TYW3: variants seen among roughly 807,000 people sequenced by gnomAD.
TYW3 encodes the protein tRNA-yW synthesizing protein 3 homolog.
TYW3 carries 26 observed loss-of-function variants against 23.1 expected under a neutral mutation model. That is an observed-to-expected ratio of 1.13 (90% CI 0.83 to 1.56). TYW3 has a LOEUF of 1.56. TYW3 is among the 40% of genes most tolerant of loss of function. The probability of loss-of-function intolerance (pLI) is 0.00; values close to 1 mark genes in which losing one functional copy is unlikely to be tolerated. For synonymous variants in TYW3, 102 were observed against 105.7 expected, an observed-to-expected ratio of 0.97 and a Z score of 0.21; for missense variants, 316 against 311.9, an observed-to-expected ratio of 1.01 and a Z score of -0.10.
In TYW3 at chr1:74,733,265, C is replaced by T. The variant is rs1173802156; in HGVS notation, c.21C>T (p.Phe7=). ...CACCCATGGATCGCAGCGCGGAGTT[C>T]AGGAAATGGAAGGCGCAATGTTTGA... MDRSAE[F]RKWKAQCLSK... The change falls in exon 1 of 6, where the codon TTC becomes TTT. Residue 7 remains phenylalanine, a synonymous_variant. Coordinates refer to ENST00000370867, the MANE Select transcript of TYW3 (RefSeq NM_138467.3). 2.5e-6 allele frequency: 4 copies of T among 1,614,100 alleles called. No individual in the cohort carries two copies. Among genetic ancestry groups the T allele is most frequent in the South Asian group, 1.1e-5 (1 of 91,050 alleles).
intron 5 of TYW3, among the ~76,000 whole-genome samples, chr1:74,759,947 A>G (rs1649081837): frequency 6.6e-6 from 1 of 152,156 alleles, no homozygotes; most frequent in Non-Finnish European, 1.5e-5. Flanking sequence ...CCTGGCTGAC[A>G]TATGACTTGA....
chr1:74,747,434 G>A lies in TYW3; in HGVS notation c.355-1317G>A, dbSNP rs567430101. 3.6e-3 allele frequency among the ~76,000 whole-genome samples: 538 copies of A among 151,324 alleles called. 1 individual carries two copies. Among genetic ancestry groups the A allele is most frequent in the Non-Finnish European group, 6.8e-3 (462 of 67,658 alleles). On this transcript the variant is annotated intron_variant, in intron 3 of 5. Transcript: ENST00000370867. The stretch of plus-strand genomic sequence containing the variant: ...GGGCGGATCACGAGGTCAGGAGATC[G>A]AGACCATCCCGGCTAAAACAGTGAA...
chr1:74,736,405 C>A, intron 1 of TYW3, 137 bp from the exon 2 acceptor site: 1 of 549,658 alleles, frequency 1.8e-6, no homozygotes, highest in Admixed American at 4.2e-5. Flanking sequence ...CAAAAACATA[C>A]CGAATTGTTT....
intron 5 of TYW3, among the ~76,000 whole-genome samples, chr1:74,760,239 T>A (rs1463357835): frequency 1.3e-5 from 2 of 151,836 alleles, no homozygotes; most frequent in Admixed American, 1.3e-4. Flanking sequence ...ATCTCAGGGG[T>A]GGCAGAGGCA....
At chr1:74,733,660 C>A in intron 1 of TYW3, 1 of 687,742 alleles carries the variant, frequency 1.5e-6, no homozygotes. Context: ...TAGGGTAGGG[C>A]CTGATACTGT....
At chr1:74,739,163 G>T (rs1256189911) in intron 3 of TYW3, among the ~76,000 whole-genome samples, 1 of 152,016 alleles carries the variant, frequency 6.6e-6, no homozygotes, top group Non-Finnish European at 1.5e-5. Flanking sequence ...CATGCATGAG[G>T]TAAACATCTG....
intron 1 of TYW3, among the ~76,000 whole-genome samples, chr1:74,733,929 T>A (rs1194478890): frequency 6.6e-6 from 1 of 152,160 alleles, no homozygotes; most frequent in East Asian, 1.9e-4. Flanking sequence ...CTCTAGTAGT[T>A]TTACGCAGAG....
chr1:74,748,930 C>A, intron 4 of TYW3, 108 bp downstream of exon 4: 2 of 1,015,136 alleles, frequency 2.0e-6, no homozygotes, highest in Middle Eastern at 2.5e-4. Flanking sequence ...ATCTTCTTGC[C>A]ATTCTCTTAC....
At chr1:74,752,166 C>T (rs192843984) in intron 4 of TYW3, 126 bp from the exon 5 acceptor site, 10 of 924,994 alleles carry the variant, frequency 1.1e-5, no homozygotes, top group South Asian at 8.8e-5. Context: ...TCTATCAAAG[C>T]GCTAACTTAA....
chr1:74,737,902 T>A (rs1214889859), intron 2 of TYW3, among the ~76,000 whole-genome samples: 1 of 152,166 alleles, frequency 6.6e-6, no homozygotes, highest in East Asian at 1.9e-4. Flanking sequence ...GCTAGCAGAT[T>A]GGTTCCACAG....
At chr1:74,756,277 C>T (rs1470855739) in intron 5 of TYW3, among the ~76,000 whole-genome samples, 1 of 152,126 alleles carries the variant, frequency 6.6e-6, no homozygotes, top group African/African-American at 2.4e-5. Flanking sequence ...GAGGTTGGAA[C>T]AGTTTGGAGG....
At position 74,733,362 on chromosome 1, in the gene TYW3, C is replaced by T. The variant is rs1208441669; in HGVS notation, c.118C>T (p.Arg40Ter). The change falls in exon 1 of 6, where the codon CGA (arginine) becomes TGA (stop). Residue 40 changes from arginine to a stop codon, truncating the protein, a stop_gained. Transcript: ENST00000370867. LOFTEE classifies it high-confidence loss of function. Reference sequence around the variant, plus strand: ...AGAGCTTGTGCAGTTTCTGAACATGCGAGATCAGTTTTTCACCACCAGCTC... The same window carrying T: ...AGAGCTTGTGCAGTTTCTGAACATGTGAGATCAGTTTTTCACCACCAGCTC... ...VVELVQFLNM[R>*]DQFFTTSSCA... 1.9e-6 allele frequency: 3 copies of T among 1,614,058 alleles called. No homozygotes were observed. The highest frequency in any genetic ancestry group is 2.2e-5 in the East Asian group (1 of 44,890).
Position 74,764,200 on chromosome 1 carries a change from G to T in TYW3, c.*87G>T. 1 of 1,195,920 alleles carries T rather than the reference G, an allele frequency of 8.4e-7. No homozygotes were observed. Among genetic ancestry groups the T allele is most frequent in the East Asian group, 2.4e-5 (1 of 41,978 alleles). 74.1% of individuals were successfully genotyped at this position (1,195,920 alleles called of 1,614,324 possible). A position where few individuals can be genotyped will look rare whatever the true frequency, so the allele number is the denominator to read the frequency against. ...ATAAGAGTATTTTAGTTTGTTGAGT[G>T]TATCAGCCATTCATAAGCCAGTAAT... On this transcript the variant is annotated 3_prime_UTR_variant, in exon 6 of 6. Coordinates refer to ENST00000370867, the MANE Select transcript of TYW3 (RefSeq NM_138467.3).
intron 1 of TYW3, among the ~76,000 whole-genome samples, chr1:74,735,655 A>G (rs1000223268): frequency 6.6e-6 from 1 of 152,226 alleles, no homozygotes; most frequent in African/African-American, 2.4e-5. Context: ...AGATCCTGTA[A>G]AGTTGCTAGA....
rs551826470 is a variant in TYW3, at chr1:74,734,117, G to A, written c.174+699G>A. 7 of 152,196 alleles carry A rather than the reference G, an allele frequency of 4.6e-5. No homozygotes were observed. The South Asian group carries it at 1.2e-3, about 27-fold the overall frequency. 9.4% of individuals were successfully genotyped at this position (152,196 alleles called of 1,614,324 possible). A position where few individuals can be genotyped will look rare whatever the true frequency, so the allele number is the denominator to read the frequency against. On this transcript the variant is annotated intron_variant, in intron 1 of 5. Coordinates refer to ENST00000370867, the MANE Select transcript of TYW3 (RefSeq NM_138467.3). Reference sequence around the variant, plus strand: ...TACAAGCCATACCTCCTTATTTGCAGGTTCAGTTACCCCAGTCAACAGCAG... The same window carrying A: ...TACAAGCCATACCTCCTTATTTGCAAGTTCAGTTACCCCAGTCAACAGCAG...
Position 74,765,478 on chromosome 1 carries a change from T to TATC in TYW3, c.*1366_*1368dup, listed in dbSNP as rs1649274473. On this transcript the variant is annotated 3_prime_UTR_variant, in exon 6 of 6. Transcript: ENST00000370867. Reference sequence around the variant, plus strand: ...CTCGAAGTTGTGCAGTGCACATTCTTATCTACCAACATATACAGCAGTCCT... The same window carrying TATC: ...CTCGAAGTTGTGCAGTGCACATTCTTATCATCTACCAACATATACAGCAGTCCT... 1 of 152,158 alleles carries TATC rather than the reference T, an allele frequency of 6.6e-6. No individual in the cohort carries two copies. The highest frequency in any genetic ancestry group is 2.1e-4 in the South Asian group (1 of 4,830). The allele number at this position is 152,158 out of a possible 1,614,324, so 9.4% of individuals were successfully genotyped here. A position where few individuals can be genotyped will look rare whatever the true frequency, so the allele number is the denominator to read the frequency against.
chr1:74,763,821 T>C (rs1402422185), intron 5 of TYW3, 73 bp from the exon 6 acceptor site: 5 of 1,166,728 alleles, frequency 4.3e-6, no homozygotes, highest in Non-Finnish European at 4.9e-6. Context: ...ACATAACTTA[T>C]AAGCTCTTGG....
At chr1:74,738,154 CTG>C (rs1648218571) in intron 2 of TYW3, among the ~76,000 whole-genome samples, 1 of 152,036 alleles carries the variant, frequency 6.6e-6, no homozygotes, top group Non-Finnish European at 1.5e-5. Flanking sequence ...GTTACAACAA[CTG>C]TGCCTGTTAC....
chr1:74,762,708 G>C (rs1001521518), intron 5 of TYW3, among the ~76,000 whole-genome samples: 1 of 152,078 alleles, frequency 6.6e-6, no homozygotes, highest in African/African-American at 2.4e-5. Flanking sequence ...ATAATATCCA[G>C]CTTTATAAAT....
Sources: gnomAD v4.1 joint callset for allele counts (sites outside exome capture counted in the v4.1 genomes callset) on GRCh38, gnomAD v4.1.1 for gene constraint, MANE v1.5 for transcripts, NCBI Gene and HGNC (gene_info 2026-07-23, HGNC 2026-07-21) for gene names.